Variants in NTM observed in about 807,000 individuals in gnomAD.
NTM encodes neurotrimin.
Under a neutral mutation model 42.1 loss-of-function variants are expected in NTM, and 13 were observed. The observed-to-expected ratio is 0.31, with a 90% CI of 0.20 to 0.49. The LOEUF (loss-of-function observed/expected upper bound fraction) is 0.49. Among genes scored for constraint, NTM ranks in the 20% least tolerant of loss-of-function variants. The pLI is 0.99. For synonymous variants in NTM, 187 were observed against 179.2 expected, an observed-to-expected ratio of 1.04 and a Z score of -0.35; for missense variants, 373 against 452.8, an observed-to-expected ratio of 0.82 and a Z score of 1.60.
chr11:131,822,237 C>T (rs768877938), intron 1 of NTM, among the ~76,000 whole-genome samples: 5 of 152,150 alleles, frequency 3.3e-5, no homozygotes, highest in Non-Finnish European at 5.9e-5. Flanking sequence ...CTCCCTTCTT[C>T]CTTTTCACTG....
chr11:131,936,740 A>C (rs1299096072), intron 2 of NTM, among the ~76,000 whole-genome samples: 1 of 152,238 alleles, frequency 6.6e-6, no homozygotes, highest in African/African-American at 2.4e-5. Flanking sequence ...TTCTGGGGAA[A>C]AAATTCTCAC....
intron 1 of NTM, among the ~76,000 whole-genome samples, chr11:131,456,992 G>C (rs1459785908): frequency 6.6e-6 from 1 of 152,186 alleles, no homozygotes; most frequent in Non-Finnish European, 1.5e-5. Flanking sequence ...AGATGCTTCA[G>C]TGTGCTCAAG....
At chr11:131,740,542 T>C (rs1053574804) in intron 1 of NTM, among the ~76,000 whole-genome samples, 5 of 152,222 alleles carry the variant, frequency 3.3e-5, no homozygotes. Flanking sequence ...CTAAAATCCA[T>C]AGAAAAGTGT....
At chr11:132,105,136 C>T (rs1014502638) in intron 2 of NTM, among the ~76,000 whole-genome samples, 3 of 151,278 alleles carry the variant, frequency 2.0e-5, no homozygotes, top group Admixed American at 2.0e-4. Flanking sequence ...ACCCACATCC[C>T]CATCACTTTC....
intron 1 of NTM, among the ~76,000 whole-genome samples, chr11:131,883,535 C>T (rs2049887037): frequency 6.6e-6 from 1 of 152,186 alleles, no homozygotes; most frequent in South Asian, 2.1e-4. Context: ...ATAGCGCCAT[C>T]ACTGTTCAAA....
chr11:131,588,572 A>C (rs559675780), intron 1 of NTM, among the ~76,000 whole-genome samples: 8 of 152,356 alleles, frequency 5.3e-5, no homozygotes, highest in African/African-American at 1.9e-4. Flanking sequence ...AGTGATAGCC[A>C]GAGGGATTTG....
chr11:131,445,958 G>T (rs1006452656), intron 1 of NTM, among the ~76,000 whole-genome samples: 2 of 152,176 alleles, frequency 1.3e-5, no homozygotes, highest in Non-Finnish European at 2.9e-5. Flanking sequence ...AGACTTGATG[G>T]CCTGCAAAGG....
intron 2 of NTM, among the ~76,000 whole-genome samples, chr11:132,141,636 G>A (rs182216612): frequency 6.6e-6 from 1 of 152,190 alleles, no homozygotes; most frequent in Admixed American, 6.5e-5. Context: ...GACACAGGTG[G>A]GGCACCCTCA....
intron 2 of NTM, among the ~76,000 whole-genome samples, chr11:131,915,581 G>T (rs540747198): frequency 6.6e-6 from 1 of 152,248 alleles, no homozygotes; most frequent in Non-Finnish European, 1.5e-5. Flanking sequence ...GTATTGAGTG[G>T]TTCTTTCAAG....
chr11:131,788,934 C>G (rs2089713952), intron 1 of NTM, among the ~76,000 whole-genome samples: 1 of 152,152 alleles, frequency 6.6e-6, no homozygotes, highest in African/African-American at 2.4e-5. Context: ...TTTCTTCTTC[C>G]TCACCCCTCC....
At position 131,686,831 on chromosome 11, in the gene NTM, G is replaced by A. The variant is rs1014327585; in HGVS notation, c.83-224733G>A. On this transcript the variant is annotated intron_variant, in intron 1 of 8. Coordinates refer to ENST00000683400, the MANE Select transcript of NTM (RefSeq NM_001352005.2). Reference sequence around the variant, plus strand: ...GTTTTCAAAGGTAGAAAATAATTTCGGGCCTTTTCTAAGAAGCACTTAGCT... The same window carrying A: ...GTTTTCAAAGGTAGAAAATAATTTCAGGCCTTTTCTAAGAAGCACTTAGCT... 3.3e-5 allele frequency among the ~76,000 whole-genome samples: 5 copies of A among 152,098 alleles called. No homozygotes were observed. In the South Asian group the frequency reaches 1.0e-3, roughly 31 times the overall value.
chr11:131,674,044 C>T (rs2070894031), intron 1 of NTM, among the ~76,000 whole-genome samples: 1 of 152,188 alleles, frequency 6.6e-6, no homozygotes, highest in Admixed American at 6.5e-5. Context: ...TGTTATTTTA[C>T]AACCTTGATA....
intron 2 of NTM, among the ~76,000 whole-genome samples, chr11:132,014,663 G>C (rs2073003025): frequency 7.1e-6 from 1 of 141,514 alleles, no homozygotes. Flanking sequence ...TCATATACCT[G>C]TTAATCATTT....
intron 1 of NTM, among the ~76,000 whole-genome samples, chr11:131,564,681 A>ACTT (rs2056661973): frequency 6.6e-6 from 1 of 152,052 alleles, no homozygotes; most frequent in East Asian, 1.9e-4. Flanking sequence ...CATTCATTTT[A>ACTT]CTTCTTTTAT....
intron 1 of NTM, among the ~76,000 whole-genome samples, chr11:131,826,928 C>T (rs2042206013): frequency 6.6e-6 from 1 of 152,122 alleles, no homozygotes; most frequent in South Asian, 2.1e-4. Context: ...TTTTATCTAG[C>T]TGGAGTGCAG....
intron 2 of NTM, among the ~76,000 whole-genome samples, chr11:132,086,141 G>A (rs1236728590): frequency 6.6e-6 from 1 of 151,904 alleles, no homozygotes; most frequent in Non-Finnish European, 1.5e-5. Context: ...TGGCTAATAT[G>A]GTGAAAACCC....
intron 1 of NTM, among the ~76,000 whole-genome samples, chr11:131,820,490 T>C (rs1371356357): frequency 1.3e-5 from 2 of 152,190 alleles, no homozygotes; most frequent in African/African-American, 4.8e-5. Flanking sequence ...AATTTAGACA[T>C]ATAAAAAAGG....
intron 1 of NTM, among the ~76,000 whole-genome samples, chr11:131,572,158 G>GCA (rs1030026904): frequency 2.0e-5 from 3 of 152,134 alleles, no homozygotes; most frequent in Non-Finnish European, 4.4e-5. Context: ...AAGGACATAG[G>GCA]CACACACAGG....
At position 132,212,166 on chromosome 11, in the gene NTM, G is replaced by A; in HGVS notation, c.526+19G>A. ...CCCAAAGGTAAGAGAACAGTTTGTT[G>A]CATTGCATCATGAGGATAAATGGGG... On this transcript the variant is annotated intron_variant, in intron 4 of 8. Transcript: ENST00000683400. The A allele has an allele frequency of 1.2e-6, 2 of 1,604,712 alleles. No individual in the cohort carries two copies. Among genetic ancestry groups the A allele is most frequent in the Non-Finnish European group, 1.7e-6 (2 of 1,175,944 alleles).
Sources: gnomAD v4.1 joint callset for allele counts (sites outside exome capture counted in the v4.1 genomes callset) on GRCh38, gnomAD v4.1.1 for gene constraint, MANE v1.5 for transcripts, NCBI Gene and HGNC (gene_info 2026-07-23, HGNC 2026-07-21) for gene names.